The following KAZN variants were observed in gnomAD, a reference collection of about 807,000 sequenced individuals.
KAZN encodes kazrin, periplakin interacting protein, also known as kazrin.
In KAZN, 40 loss-of-function variants were observed where a neutral mutation model predicts 87.4. The observed-to-expected ratio is 0.46, with a 90% CI of 0.36 to 0.60. KAZN has a LOEUF of 0.60. KAZN is among the 20% of genes least tolerant of loss of function. The pLI is 0.00. For synonymous variants in KAZN, 466 were observed against 458.3 expected (o/e 1.02, Z -0.22); for missense variants, 898 against 1,073.9 (o/e 0.84, Z 2.29).
intron 2 of KAZN, among the ~76,000 whole-genome samples, chr1:14,429,871 A>G (rs917215948): frequency 5.9e-5 from 9 of 152,142 alleles, no homozygotes; most frequent in Admixed American, 5.2e-4. Context: ...GAACAGCAAC[A>G]GGGCTGGGTG....
intron 1 of KAZN, among the ~76,000 whole-genome samples, chr1:14,009,399 T>A (rs1362899804): frequency 1.3e-5 from 2 of 152,234 alleles, no homozygotes; most frequent in African/African-American, 2.4e-5. Flanking sequence ...TTTTCCATAG[T>A]GGCCGTACCA....
chr1:14,898,135 A>G lies in KAZN; in HGVS notation c.227-62549A>G, dbSNP rs143036964. 2.5e-3 allele frequency among the ~76,000 whole-genome samples: 386 copies of G among 152,322 alleles called. 2 individuals are homozygous for G. The highest frequency in any genetic ancestry group is 8.8e-3 in the African/African-American group (364 of 41,580). On this transcript the variant is annotated intron_variant, in intron 1 of 14. Transcript: ENST00000376030. The stretch of plus-strand genomic sequence containing the variant: ...TGAGCACAGTTATAAGCGAGAATCC[A>G]TTATCCAGATGAACCAACTTCTCAG...
At chr1:14,436,753 T>G (rs1666421436) in intron 2 of KAZN, among the ~76,000 whole-genome samples, 1 of 128,770 alleles carries the variant, frequency 7.8e-6, no homozygotes, top group Non-Finnish European at 1.7e-5. Flanking sequence ...AAAACAATCC[T>G]GAGAGGTAGT....
At chr1:14,714,195 A>G (rs1266730338) in intron 1 of KAZN, among the ~76,000 whole-genome samples, 2 of 152,050 alleles carry the variant, frequency 1.3e-5, no homozygotes, top group African/African-American at 4.8e-5. Flanking sequence ...TGTTCCTGCC[A>G]CCTGGTCCAC....
chr1:15,078,559 G>A (rs1412884546), intron 8 of KAZN, among the ~76,000 whole-genome samples: 1 of 152,202 alleles, frequency 6.6e-6, no homozygotes, highest in Non-Finnish European at 1.5e-5. Flanking sequence ...TTCAAGGGCT[G>A]GAGGGAGGCA....
rs184461064 is a variant in KAZN, at chr1:14,132,312, G to C, written c.92-48123G>C. On this transcript the variant is annotated intron_variant, in intron 1 of 16. Transcript: ENST00000636203. Reference sequence around the variant, plus strand: ...GGTCAGGGGGTAGGCTTCAGATAAAGGCCTGAGGCAGAAAAGCAGGGGGTC... The same window carrying C: ...GGTCAGGGGGTAGGCTTCAGATAAACGCCTGAGGCAGAAAAGCAGGGGGTC... Among the ~76,000 whole-genome samples, 10 of 152,282 alleles carry C rather than the reference G, an allele frequency of 6.6e-5. No homozygotes were observed. The East Asian group carries it at 1.9e-3, about 30-fold the overall frequency.
intron 1 of KAZN, among the ~76,000 whole-genome samples, chr1:14,885,863 C>A (rs904698956): frequency 1.8e-4 from 27 of 152,162 alleles, no homozygotes; most frequent in African/African-American, 5.3e-4. Context: ...TGAAATAAAT[C>A]TATCGATACA....
At chr1:15,089,363 G>A (rs984693395) in intron 8 of KAZN, among the ~76,000 whole-genome samples, 6 of 150,380 alleles carry the variant, frequency 4.0e-5, no homozygotes. Context: ...CTCCCACCTT[G>A]ACCAGGCAAG....
At chr1:14,145,304 G>C (rs1210718341) in intron 1 of KAZN, among the ~76,000 whole-genome samples, 1 of 152,024 alleles carries the variant, frequency 6.6e-6, no homozygotes, top group Non-Finnish European at 1.5e-5. Flanking sequence ...AATTAGCCGG[G>C]CATGGTGGCA....
chr1:14,308,343 A>G (rs1460538375), intron 2 of KAZN, among the ~76,000 whole-genome samples: 1 of 152,236 alleles, frequency 6.6e-6, no homozygotes, highest in Non-Finnish European at 1.5e-5. Context: ...TAGGAAATGC[A>G]TACTGCAATA....
At chr1:14,750,205 T>TA (rs1462784160) in intron 1 of KAZN, among the ~76,000 whole-genome samples, 1 of 151,966 alleles carries the variant, frequency 6.6e-6, no homozygotes, top group South Asian at 2.1e-4. Context: ...AAAGTTTTTT[T>TA]AAAAAAAATG....
chr1:14,936,547 A>G (rs916025566), intron 1 of KAZN, among the ~76,000 whole-genome samples: 3 of 152,044 alleles, frequency 2.0e-5, no homozygotes, highest in African/African-American at 7.2e-5. Flanking sequence ...CTTTTGCCAT[A>G]TAGAAAGGGA....
At chr1:14,114,951 G>T (rs1247049731) in intron 1 of KAZN, among the ~76,000 whole-genome samples, 1 of 152,210 alleles carries the variant, frequency 6.6e-6, no homozygotes, top group Non-Finnish European at 1.5e-5. Flanking sequence ...GAGGTGCTCA[G>T]TCTCTGACCC....
At chr1:14,273,671 G>T (rs534068938) in intron 2 of KAZN, among the ~76,000 whole-genome samples, 4 of 152,144 alleles carry the variant, frequency 2.6e-5, no homozygotes, top group Admixed American at 2.0e-4. Flanking sequence ...CCACAAAAGA[G>T]CCTTCTTAAA....
chr1:14,376,703 A>T (rs905302983), intron 2 of KAZN, among the ~76,000 whole-genome samples: 1 of 152,242 alleles, frequency 6.6e-6, no homozygotes, highest in African/African-American at 2.4e-5. Flanking sequence ...CCATGTCCTA[A>T]CTACATAACC....
chr1:14,184,169 C>T lies in KAZN; in HGVS notation c.249+3577C>T, dbSNP rs1469808891. ...AATTTGCTTTACTCTTCAAACTCTC[C>T]GTTTTTCCTTCTGCCCTTGTCTCCT... On this transcript the variant is annotated intron_variant, in intron 2 of 16. Transcript: ENST00000636203. The surrounding 1 kb of genome is among the most constrained non-coding windows in gnomAD (Gnocchi z 4.2). 5.9e-5 allele frequency among the ~76,000 whole-genome samples: 9 copies of T among 152,070 alleles called. No homozygotes were observed. The highest frequency in any genetic ancestry group is 2.2e-4 in the African/African-American group (9 of 41,392).
At chr1:14,040,597 A>G (rs940549069) in intron 1 of KAZN, among the ~76,000 whole-genome samples, 4 of 151,936 alleles carry the variant, frequency 2.6e-5, no homozygotes, top group African/African-American at 9.7e-5. Context: ...CCCCATCTCT[A>G]CTAGAAATAC....
At chr1:14,392,357 G>A (rs948184136) in intron 2 of KAZN, among the ~76,000 whole-genome samples, 3 of 152,180 alleles carry the variant, frequency 2.0e-5, no homozygotes, top group Admixed American at 2.0e-4. Context: ...GTAATAGGGA[G>A]CGACTGAGTG....
chr1:14,587,717 T>A (rs569663231), intron 2 of KAZN, among the ~76,000 whole-genome samples: 4 of 151,856 alleles, frequency 2.6e-5, no homozygotes, highest in Non-Finnish European at 4.4e-5. Flanking sequence ...TGGTACTAAG[T>A]CGGTCATAAG....
Sources: gnomAD v4.1 joint callset for allele counts (sites outside exome capture counted in the v4.1 genomes callset) on GRCh38, gnomAD v4.1.1 for gene constraint, Gnocchi (gnomAD v3.1) non-coding constraint, MANE v1.5 for transcripts, NCBI Gene and HGNC (gene_info 2026-07-23, HGNC 2026-07-21) for gene names.